The following PITRM1 variants were observed in gnomAD, a reference collection of about 807,000 sequenced individuals.
The protein encoded by PITRM1 is pitrilysin metallopeptidase 1, also known as presequence protease, mitochondrial.
A neutral mutation model predicts 129.9 loss-of-function variants in PITRM1; 100 were observed. The ratio of observed to expected loss-of-function variants is 0.77; its 90% CI spans 0.65 to 0.91. The LOEUF (loss-of-function observed/expected upper bound fraction) is 0.91, where lower values mean the gene tolerates loss of function less well. Among genes scored for constraint, PITRM1 ranks in the 40% least tolerant of loss-of-function variants. The probability of loss-of-function intolerance (pLI) is 0.00; values close to 1 mark genes in which losing one functional copy is unlikely to be tolerated. For missense variants in PITRM1, 1,471 were observed against 1,318.3 expected, an observed-to-expected ratio of 1.12 and a Z score of -1.79; for synonymous variants, 591 against 508.8, an observed-to-expected ratio of 1.16 and a Z score of -2.17.
intron 14 of PITRM1, among the ~76,000 whole-genome samples, chr10:3,153,261 G>A (rs563261933): frequency 6.6e-6 from 1 of 152,316 alleles, no homozygotes; most frequent in South Asian, 2.1e-4. Flanking sequence ...ACAGCTCTGA[G>A]GCCAGGCCAC....
At chr10:3,172,547 G>A (rs7098000) in intron 1 of PITRM1, among the ~76,000 whole-genome samples, 170 bp downstream of exon 1, 30,573 of 152,100 alleles carry the variant, frequency 0.2, 3,737 homozygotes, top group Non-Finnish European at 0.27. Context: ...CTCCGGCCTC[G>A]GAGCCTCGGA....
chr10:3,145,947 C>T lies in PITRM1; in HGVS notation c.2337-231G>A, dbSNP rs143859416. On this transcript the variant is annotated intron_variant, in intron 20 of 26. Coordinates refer to ENST00000224949, the MANE Select transcript of PITRM1 (RefSeq NM_014889.4). ...GGCAGCTAATGAAGCCGTCCATACG[C>T]GGAGCCTGTGACTCTAAACTCTAGT... The T allele has an allele frequency of 2.2e-3, 1,134 of 513,992 alleles. 5 individuals carry two copies. Among genetic ancestry groups the T allele is most frequent in the Middle Eastern group, 8.8e-3 (16 of 1,822 alleles). The allele number at this position is 513,992 out of a possible 1,614,324, so 31.8% of individuals were successfully genotyped here. A position where few individuals can be genotyped will look rare whatever the true frequency, so the allele number is the denominator to read the frequency against.
chr10:3,145,225 C>G (rs746772581), intron 21 of PITRM1: 1 of 220,364 alleles, frequency 4.5e-6, no homozygotes, highest in Non-Finnish European at 9.0e-6. Context: ...ACCGACATCA[C>G]TGTTCCATGT....
At chr10:3,172,498 G>A (rs1170382610) in intron 1 of PITRM1, among the ~76,000 whole-genome samples, 2 of 152,128 alleles carry the variant, frequency 1.3e-5, no homozygotes, top group Non-Finnish European at 2.9e-5. Flanking sequence ...CCCCCAGCCC[G>A]GGGCATCGCC....
intron 6 of PITRM1, among the ~76,000 whole-genome samples, chr10:3,164,888 G>A (rs1323015437): frequency 2.0e-5 from 3 of 152,148 alleles, no homozygotes; most frequent in Non-Finnish European, 2.9e-5. Context: ...TATGCAGCTC[G>A]CTGTGTGTCA....
Position 3,157,094 on chromosome 10 carries a change from C to T in PITRM1, c.1348-30G>A. On this transcript the variant is annotated intron_variant, in intron 12 of 26. Coordinates refer to ENST00000224949, the MANE Select transcript of PITRM1 (RefSeq NM_014889.4). Reference sequence around the variant, plus strand: ...AAGGAAGATTTCCACATCCACAATGCAGCTGGTACCACAGTACAACCTCCA... The same window carrying T: ...AAGGAAGATTTCCACATCCACAATGTAGCTGGTACCACAGTACAACCTCCA... 2.5e-6 allele frequency: 4 copies of T among 1,592,906 alleles called. No homozygotes were observed. In the East Asian group the frequency reaches 6.8e-5, roughly 27 times the overall value.
intron 4 of PITRM1, 134 bp from the exon 5 acceptor site, chr10:3,165,661 G>A: frequency 1.6e-6 from 1 of 634,768 alleles, no homozygotes. Context: ...GTGGCCCCAT[G>A]CTCTGGTCCC....
chr10:3,161,031 A>T (rs1474232224), intron 7 of PITRM1, among the ~76,000 whole-genome samples: 1 of 151,964 alleles, frequency 6.6e-6, no homozygotes, highest in Non-Finnish European at 1.5e-5. Flanking sequence ...AAAGTGCTGG[A>T]ATTACAGGCG....
chr10:3,165,532 G>A lies in PITRM1; in HGVS notation c.419-5C>T. ...GATACAGAGTATAATCACTAGCTGGGTACAAATGAAAAGTGAAATTGTAAA... is the reference window on the plus strand; with the variant it reads ...GATACAGAGTATAATCACTAGCTGGATACAAATGAAAAGTGAAATTGTAAA... On this transcript the variant is annotated splice_region_variant and splice_polypyrimidine_tract_variant and intron_variant, in intron 4 of 26. Coordinates refer to ENST00000224949, the MANE Select transcript of PITRM1 (RefSeq NM_014889.4). 1 of 1,479,694 alleles carries A rather than the reference G, an allele frequency of 6.8e-7. No individual in the cohort carries two copies. The highest frequency in any genetic ancestry group is 1.1e-5 in the South Asian group (1 of 87,530). The allele number at this position is 1,479,694 out of a possible 1,614,324, so 91.7% of individuals were successfully genotyped here. A position where few individuals can be genotyped will look rare whatever the true frequency, so the allele number is the denominator to read the frequency against.
chr10:3,141,122 G>A (rs1840151244), intron 23 of PITRM1, among the ~76,000 whole-genome samples: 2 of 152,294 alleles, frequency 1.3e-5, no homozygotes. Flanking sequence ...TACAGTTTTT[G>A]TAGAGGCAGG....
At chr10:3,144,576 G>A (rs1270536851) in intron 21 of PITRM1, among the ~76,000 whole-genome samples, 1 of 152,236 alleles carries the variant, frequency 6.6e-6, no homozygotes, top group African/African-American at 2.4e-5. Flanking sequence ...GCTGAGGTGG[G>A]AGGATTGCTT....
intron 24 of PITRM1, among the ~76,000 whole-genome samples, chr10:3,140,377 G>A (rs985981320): frequency 1.3e-5 from 2 of 152,204 alleles, no homozygotes; most frequent in Admixed American, 6.5e-5. Flanking sequence ...TTCAGACCGA[G>A]GGGGACTGTG....
chr10:3,172,278 C>T lies in PITRM1; in HGVS notation c.56+439G>A, dbSNP rs1414996059. 2.8e-5 allele frequency: 13 copies of T among 470,686 alleles called. No homozygotes were observed. The East Asian group carries it at 8.4e-4, about 31-fold the overall frequency. 29.2% of individuals were successfully genotyped at this position (470,686 alleles called of 1,614,324 possible). A position where few individuals can be genotyped will look rare whatever the true frequency, so the allele number is the denominator to read the frequency against. The stretch of plus-strand genomic sequence containing the variant: ...GAGTCATTAAAAAAACAAAACAGTT[C>T]AATTCCGGGAGGCGTCAGTTCTCTG... On this transcript the variant is annotated intron_variant, in intron 1 of 26. Transcript: ENST00000224949.
At position 3,149,650 on chromosome 10, in the gene PITRM1, A is replaced by G. The variant is rs368077230; in HGVS notation, c.1842T>C (p.Tyr614=). The G allele has an allele frequency of 1.4e-5, 23 of 1,591,306 alleles. No individual in the cohort carries two copies. The highest frequency in any genetic ancestry group is 4.1e-5 in the African/African-American group (3 of 73,646). Residue 614 remains tyrosine (Y), a synonymous_variant, in exon 16 of 27, where the codon TAT becomes TAC. Transcript: ENST00000224949. ...TGAGGACGCTGCAGAAGAGGGGCAC[A>G]TAGGGCCTCAGCTCCTCGGGGAGTG... is the stretch of plus-strand genomic sequence containing the variant. The part of the protein sequence containing the change: ...LNTLPEELRP[Y]VPLFCSVLTK...
In PITRM1 at chr10:3,144,306, T is replaced by C; in HGVS notation, c.2518A>G (p.Arg840Gly). ...AHVPHGSQVI[R>G]KLVMEPTFKP... ...GTGGTTCTTACCATGACCAGCTTCCTAATGACCTGGGAGCCATGGGGAACG... is the reference window on the plus strand; with the variant it reads ...GTGGTTCTTACCATGACCAGCTTCCCAATGACCTGGGAGCCATGGGGAACG... Residue 840 changes from arginine to glycine, a missense_variant, in exon 22 of 27, where the codon AGG (arginine) becomes GGG (glycine). Arg to Gly is a moderately radical substitution (Grantham distance 125). Coordinates refer to ENST00000224949, the MANE Select transcript of PITRM1 (RefSeq NM_014889.4). The C allele has an allele frequency of 6.4e-7, 1 of 1,558,248 alleles. No individual in the cohort carries two copies. Among genetic ancestry groups the C allele is most frequent in the Non-Finnish European group, 8.7e-7 (1 of 1,149,364 alleles).
intron 2 of PITRM1, among the ~76,000 whole-genome samples, chr10:3,168,284 TA>T (rs1386616533): frequency 6.6e-6 from 1 of 152,274 alleles, no homozygotes; most frequent in Non-Finnish European, 1.5e-5. Context: ...AAGCTCACTG[TA>T]CTTTGTAACA....
At position 3,165,243 on chromosome 10, in the gene PITRM1, C is replaced by T; in HGVS notation, c.625G>A (p.Ala209Thr). 2.6e-6 allele frequency: 4 copies of T among 1,558,478 alleles called. No individual in the cohort carries two copies. Among genetic ancestry groups the T allele is most frequent in the Non-Finnish European group, 2.6e-6 (3 of 1,153,838 alleles). The change falls in exon 6 of 27, where the codon GCG becomes ACG. Residue 209 changes from alanine to threonine, a missense_variant. By Grantham distance (58) the Ala-to-Thr change is moderately conservative (BLOSUM62 0). Coordinates refer to ENST00000224949, the MANE Select transcript of PITRM1 (RefSeq NM_014889.4). ...KGVVFNEMKG[A>T]FTDNERIFSQ... ...AAAAAAGGAAGAAAACTTACAAACGCTCCCTTCATCTCATTAAAGACGACT... is the reference window on the plus strand; with the variant it reads ...AAAAAAGGAAGAAAACTTACAAACGTTCCCTTCATCTCATTAAAGACGACT...
chr10:3,143,403 G>A lies in PITRM1; in HGVS notation c.2631C>T (p.Asp877=). The A allele has an allele frequency of 1.9e-6, 3 of 1,608,884 alleles. No individual in the cohort carries two copies. The highest frequency in any genetic ancestry group is 1.7e-6 in the Non-Finnish European group (2 of 1,175,258). Residue 877 remains aspartate (D), a synonymous_variant, in exon 23 of 27, where the codon GAC becomes GAT. Coordinates refer to ENST00000224949, the MANE Select transcript of PITRM1 (RefSeq NM_014889.4). ...CACCCTCCTACCTGGCATGATCTGG[G>A]TCCGTGTAGGGGACAGTTCGGATGC... ...GECIRTVPYT[D]PDHASLKILA... is the part of the protein sequence containing the mutation.
At chr10:3,172,467 G>A (rs961370032) in intron 1 of PITRM1, among the ~76,000 whole-genome samples, 3 of 152,142 alleles carry the variant, frequency 2.0e-5, no homozygotes, top group African/African-American at 7.2e-5. Context: ...GCCCCGCCGG[G>A]AGCGCCGCGG....
Sources: gnomAD v4.1 joint callset for allele counts (sites outside exome capture counted in the v4.1 genomes callset) on GRCh38, gnomAD v4.1.1 for gene constraint, MANE v1.5 for transcripts, NCBI Gene and HGNC (gene_info 2026-07-23, HGNC 2026-07-21) for gene names.